PARD3B: variants seen among roughly 807,000 people sequenced by gnomAD.
PARD3B encodes the protein partitioning defective 3 homolog B.
Under a neutral mutation model 130.2 loss-of-function variants are expected in PARD3B, and 103 were observed. The ratio of observed to expected loss-of-function variants is 0.79; its 90% confidence interval spans 0.67 to 0.93. The LOEUF is 0.93. PARD3B is among the 40% of genes least tolerant of loss of function. The pLI is 0.00. For missense variants in PARD3B, 1,609 were observed against 1,499.2 expected (o/e 1.07, Z -1.21); for synonymous variants, 583 against 553.2 (o/e 1.05, Z -0.76).
intron 15 of PARD3B, among the ~76,000 whole-genome samples, chr2:205,213,862 T>C (rs966724134): frequency 6.6e-6 from 1 of 152,128 alleles, no homozygotes; most frequent in African/African-American, 2.4e-5. Flanking sequence ...AAAGCAGTTG[T>C]TTAAAACTTG....
chr2:204,616,175 A>G (rs946794515), intron 1 of PARD3B, among the ~76,000 whole-genome samples: 1 of 152,208 alleles, frequency 6.6e-6, no homozygotes, highest in African/African-American at 2.4e-5. Flanking sequence ...GGTGGAGAGA[A>G]TGAGATGATA....
intron 11 of PARD3B, among the ~76,000 whole-genome samples, chr2:205,168,137 G>T (rs536659443): frequency 6.6e-6 from 1 of 152,224 alleles, no homozygotes; most frequent in African/African-American, 2.4e-5. Context: ...TTTTTAATAT[G>T]TTTTCCTTCC....
intron 2 of PARD3B, among the ~76,000 whole-genome samples, chr2:204,925,957 T>G (rs1485022218): frequency 6.6e-6 from 1 of 152,098 alleles, no homozygotes; most frequent in Non-Finnish European, 1.5e-5. Flanking sequence ...ATATTCCCCT[T>G]GCCTTCTGCC....
intron 10 of PARD3B, among the ~76,000 whole-genome samples, chr2:205,129,995 T>C (rs1432294926): frequency 1.3e-5 from 2 of 152,314 alleles, no homozygotes; most frequent in African/African-American, 4.8e-5. Flanking sequence ...GCCAACCTTC[T>C]TTCCATCTGG....
At chr2:205,409,654 A>T (rs1359680834) in intron 19 of PARD3B, among the ~76,000 whole-genome samples, 1 of 152,178 alleles carries the variant, frequency 6.6e-6, no homozygotes, top group Non-Finnish European at 1.5e-5. Context: ...ACATAAAATG[A>T]ATCACTTGAC....
intron 19 of PARD3B, among the ~76,000 whole-genome samples, chr2:205,425,439 A>G (rs1191007818): frequency 6.6e-6 from 1 of 151,706 alleles, no homozygotes; most frequent in Non-Finnish European, 1.5e-5. Flanking sequence ...GGCAGTGTTT[A>G]GTAGCAATGG....
At chr2:205,500,351 T>G (rs2106342655) in intron 21 of PARD3B, among the ~76,000 whole-genome samples, 1 of 152,302 alleles carries the variant, frequency 6.6e-6, no homozygotes, top group South Asian at 2.1e-4. Context: ...CTTTGATTCT[T>G]GCAACACAAG....
intron 20 of PARD3B, among the ~76,000 whole-genome samples, chr2:205,443,318 T>C (rs2047792095): frequency 6.6e-6 from 1 of 152,176 alleles, no homozygotes; most frequent in Non-Finnish European, 1.5e-5. Context: ...CATTCATCCA[T>C]TCATCTTTTC....
intron 3 of PARD3B, among the ~76,000 whole-genome samples, chr2:205,006,951 G>C (rs1229369410): frequency 6.6e-6 from 1 of 152,162 alleles, no homozygotes; most frequent in East Asian, 1.9e-4. Flanking sequence ...TTATGTCTTA[G>C]ATTTAAGTAT....
At position 205,121,996 on chromosome 2, in the gene PARD3B, A is replaced by G. The variant is rs757731381; in HGVS notation, c.1165+47A>G. 22 of 1,469,490 alleles carry G rather than the reference A, an allele frequency of 1.5e-5. No individual in the cohort carries two copies. The highest frequency in any genetic ancestry group is 2.0e-5 in the Non-Finnish European group (22 of 1,085,532). 91.0% of individuals were successfully genotyped at this position (1,469,490 alleles called of 1,614,324 possible). ...ATAGCATTCTATTATTGTAACATGT[A>G]AAATTGGTTAAGAGAAATGCATTAA... On this transcript the variant is annotated intron_variant, in intron 8 of 22. Transcript: ENST00000406610. The surrounding 1 kb of genome is among the most constrained non-coding windows in gnomAD (Gnocchi z 5.0).
At chr2:204,766,186 G>T (rs1443748609) in intron 2 of PARD3B, among the ~76,000 whole-genome samples, 1 of 152,058 alleles carries the variant, frequency 6.6e-6, no homozygotes, top group African/African-American at 2.4e-5. Flanking sequence ...AAGTTCTCCT[G>T]CTTTATCTGG....
chr2:204,639,837 T>C (rs963537297), intron 1 of PARD3B, among the ~76,000 whole-genome samples: 2 of 152,156 alleles, frequency 1.3e-5, no homozygotes, highest in African/African-American at 4.8e-5. Flanking sequence ...AAAGAAACCA[T>C]TACTAGAAAG....
chr2:205,500,088 C>G, intron 21 of PARD3B, 57 bp downstream of exon 21: 1 of 1,575,150 alleles, frequency 6.3e-7, no homozygotes, highest in Non-Finnish European at 8.7e-7. Flanking sequence ...ATGTTTAGAG[C>G]AGAAGAACAC....
At chr2:205,222,850 C>T (rs2038314384) in intron 15 of PARD3B, among the ~76,000 whole-genome samples, 1 of 99,728 alleles carries the variant, frequency 1.0e-5, no homozygotes. Flanking sequence ...AGTCTTTTCT[C>T]TGTGTCAGGT....
rs1407226564 is a variant in PARD3B at position 205,043,790 on chromosome 2, T to C, written c.395-3791T>C. On this transcript the variant is annotated intron_variant, in intron 3 of 22. Coordinates refer to ENST00000406610, the MANE Select transcript of PARD3B (RefSeq NM_001302769.2). ...GTGCATTAGGACTTACCTTTCTTTG[T>C]CTTTTTTTTAAATTTTTTATTTATT... 3.9e-5 allele frequency among the ~76,000 whole-genome samples: 6 copies of C among 152,184 alleles called. No homozygotes were observed. In the East Asian group the frequency reaches 1.2e-3, roughly 29 times the overall value.
intron 22 of PARD3B, among the ~76,000 whole-genome samples, chr2:205,601,017 C>T (rs938854849): frequency 6.6e-6 from 1 of 152,116 alleles, no homozygotes; most frequent in African/African-American, 2.4e-5. Context: ...TGGGTATATA[C>T]CCAATAATGA....
At position 205,301,441 on chromosome 2, in the gene PARD3B, T is replaced by C; in HGVS notation, c.2393-23T>C. On this transcript the variant is annotated intron_variant, in intron 17 of 22. Transcript: ENST00000406610. The surrounding 1 kb of genome is among the most constrained non-coding windows in gnomAD (Gnocchi z 5.2). ...CTGAGTGTGCCCCTGACCATGGGTA[T>C]TGATTATTTTTTCTCTGTACAGACG... The C allele has an allele frequency of 6.3e-7, 1 of 1,587,074 alleles. No homozygotes were observed. The highest frequency in any genetic ancestry group is 8.5e-7 in the Non-Finnish European group (1 of 1,170,626).
At chr2:205,299,161 C>T (rs894034348) in intron 16 of PARD3B, among the ~76,000 whole-genome samples, 1 of 152,168 alleles carries the variant, frequency 6.6e-6, no homozygotes, top group Non-Finnish European at 1.5e-5. Flanking sequence ...TGCTATTTCA[C>T]TTCACATAGG....
At chr2:205,382,917 T>C (rs530404185) in intron 18 of PARD3B, among the ~76,000 whole-genome samples, 35 of 152,124 alleles carry the variant, frequency 2.3e-4, no homozygotes, top group African/African-American at 7.5e-4. Context: ...CGTGAAATGC[T>C]GTAAGTTTAC....
Sources: allele counts gnomAD v4.1 joint callset (sites outside exome capture counted in the v4.1 genomes callset), GRCh38; gene constraint gnomAD v4.1.1; non-coding constraint Gnocchi (gnomAD v3.1); transcripts MANE v1.5; gene names NCBI Gene and HGNC (gene_info 2026-07-23, HGNC 2026-07-21).